Variants in CNTN2 observed in about 807,000 individuals in gnomAD.
CNTN2 encodes contactin 2.
In CNTN2, 53 loss-of-function variants were observed where a neutral mutation model predicts 117.5. The observed-to-expected ratio is 0.45, with a 90% confidence interval of 0.36 to 0.57. The LOEUF (loss-of-function observed/expected upper bound fraction) is 0.57, where lower values mean the gene tolerates loss of function less well. CNTN2 is among the 20% of genes least tolerant of loss of function. CNTN2 has a pLI of 0.00. For synonymous variants in CNTN2, 530 were observed against 561.7 expected (o/e 0.94, Z 0.80); for missense variants, 1,106 against 1,404.3 (o/e 0.79, Z 3.39).
At chr1:205,055,013 G>A (rs1031304371) in intron 2 of CNTN2, among the ~76,000 whole-genome samples, 9 of 151,792 alleles carry the variant, frequency 5.9e-5, no homozygotes, top group South Asian at 2.1e-4. Context: ...TGTTGTTTGC[G>A]GGTTTTGTTT....
Position 205,073,023 on chromosome 1 carries a change from A to G in CNTN2, c.2845-45A>G. On this transcript the variant is annotated intron_variant, in intron 21 of 22. Transcript: ENST00000331830. This position sits in a 1 kb window ranked among gnomAD's most constrained non-coding sequence, Gnocchi z 6.3. ...TAAAGCTGGGGATGACTCAACGATC[A>G]GCCCTGGTGTCAGGAAACTCCACCT... is the stretch of plus-strand genomic sequence containing the variant. The G allele has an allele frequency of 6.2e-7, 1 of 1,604,992 alleles. No individual in the cohort carries two copies. The highest frequency in any genetic ancestry group is 8.5e-7 in the Non-Finnish European group (1 of 1,174,184).
rs1001231082 is a variant in CNTN2 at position 205,074,601 on chromosome 1, G to T, written c.*836G>T. 1 of 398,844 alleles carries T rather than the reference G, an allele frequency of 2.5e-6. No homozygotes were observed. The allele number at this position is 398,844 out of a possible 1,614,324, so 24.7% of individuals were successfully genotyped here. A position where few individuals can be genotyped will look rare whatever the true frequency, so the allele number is the denominator to read the frequency against. On this transcript the variant is annotated 3_prime_UTR_variant, in exon 23 of 23. Coordinates refer to ENST00000331830, the MANE Select transcript of CNTN2 (RefSeq NM_005076.5). Reference sequence around the variant, plus strand: ...GGGTGACTAAAGGGCTTGTCTTGGTGGGGTCTCCCACCCCTCCAAGACCCA... The same window carrying T: ...GGGTGACTAAAGGGCTTGTCTTGGTTGGGTCTCCCACCCCTCCAAGACCCA...
Position 205,058,137 on chromosome 1 carries a change from C to A in CNTN2, c.216-44C>A. 6.3e-7 allele frequency: 1 copy of A among 1,596,430 alleles called. No homozygotes were observed. Reference sequence around the variant, plus strand: ...ACTTTCCCTCTCATCAGCCCTGCCACCAGGCAGGACTCAGAGGTCCCCTTC... The same window carrying A: ...ACTTTCCCTCTCATCAGCCCTGCCAACAGGCAGGACTCAGAGGTCCCCTTC... On this transcript the variant is annotated intron_variant, in intron 3 of 22. Transcript: ENST00000331830. This position sits in a 1 kb window ranked among gnomAD's most constrained non-coding sequence, Gnocchi z 4.3.
intron 1 of CNTN2, among the ~76,000 whole-genome samples, chr1:205,045,688 G>A (rs539592894): frequency 2.0e-5 from 3 of 152,336 alleles, no homozygotes; most frequent in South Asian, 4.1e-4. Flanking sequence ...GGGGGTTGGA[G>A]AAGAGGTGAT....
chr1:205,069,407 G>A (rs955151869), intron 16 of CNTN2, 84 bp from the exon 17 acceptor site: 21 of 1,370,632 alleles, frequency 1.5e-5, no homozygotes, highest in Admixed American at 6.0e-5. Context: ...CCCATCTTAC[G>A]GTGCTCTACA....
chr1:205,053,507 C>T (rs1419274220), intron 2 of CNTN2, among the ~76,000 whole-genome samples: 1 of 152,106 alleles, frequency 6.6e-6, no homozygotes, highest in Non-Finnish European at 1.5e-5. Flanking sequence ...GAGTGGCTTA[C>T]CCTAGGTCAC....
chr1:205,047,371 G>C (rs1291524752), intron 1 of CNTN2, among the ~76,000 whole-genome samples: 1 of 152,140 alleles, frequency 6.6e-6, no homozygotes, highest in African/African-American at 2.4e-5. Context: ...GACCAGAGGG[G>C]CATGGGGATG....
intron 1 of CNTN2, among the ~76,000 whole-genome samples, chr1:205,049,100 C>T (rs1307612962): frequency 6.6e-6 from 1 of 152,006 alleles, no homozygotes; most frequent in Non-Finnish European, 1.5e-5. Context: ...CTGTATGTCT[C>T]GATCCCTGGA....
rs766886007 is a variant in CNTN2 at position 205,073,787 on chromosome 1, G to A, written c.*22G>A. 2.3e-5 allele frequency: 36 copies of A among 1,597,708 alleles called. No homozygotes were observed. In the Admixed American group the frequency reaches 3.3e-4, roughly 15 times the overall value. ...CTGATCCTGGAACCCCTCCCTCTGC[G>A]CCGCAGCTGGACGCCACCTCCGACG... On this transcript the variant is annotated 3_prime_UTR_variant, in exon 23 of 23. Transcript: ENST00000331830. The surrounding 1 kb of genome is among the most constrained non-coding windows in gnomAD (Gnocchi z 6.3).
At chr1:205,052,350 G>A (rs867991943) in intron 1 of CNTN2, among the ~76,000 whole-genome samples, 48 of 152,368 alleles carry the variant, frequency 3.2e-4, no homozygotes, top group Middle Eastern at 6.8e-3. Context: ...TGATGGGACA[G>A]GCATCTGACT....
intron 1 of CNTN2, among the ~76,000 whole-genome samples, chr1:205,049,965 C>T (rs2096449488): frequency 6.6e-6 from 1 of 152,158 alleles, no homozygotes; most frequent in Non-Finnish European, 1.5e-5. Context: ...CAAGACTTCA[C>T]AGCAGCTTGA....
intron 12 of CNTN2, 138 bp downstream of exon 12, chr1:205,064,888 C>A (rs1654195595): frequency 1.5e-6 from 2 of 1,339,916 alleles, no homozygotes; most frequent in Non-Finnish European, 1.0e-6. Context: ...TTGGGACCAC[C>A]CCCTGGCCAC....
chr1:205,054,780 G>A (rs1434966512), intron 2 of CNTN2, among the ~76,000 whole-genome samples: 2 of 152,086 alleles, frequency 1.3e-5, no homozygotes, highest in Non-Finnish European at 2.9e-5. Flanking sequence ...CCCTGTCCTC[G>A]GGATATAGCT....
rs963788514 is a variant in CNTN2, at chr1:205,069,238, G to C, written c.2126-253G>C. 13 of 488,382 alleles carry C rather than the reference G, an allele frequency of 2.7e-5. 1 individual carries two copies. Among genetic ancestry groups the C allele is most frequent in the Non-Finnish European group, 4.7e-5 (13 of 273,766 alleles). 30.3% of individuals were successfully genotyped at this position (488,382 alleles called of 1,614,324 possible). On this transcript the variant is annotated intron_variant, in intron 16 of 22. Transcript: ENST00000331830. ...TGAGAGAAACATGATTATCTTCATG[G>C]AGAAGAGAATCAGAGGCTCAGAAAG...
Position 205,074,376 on chromosome 1 carries a change from G to A in CNTN2, c.*611G>A, listed in dbSNP as rs1191972854. The A allele has an allele frequency of 1.0e-5, 4 of 400,182 alleles. No individual in the cohort carries two copies. The allele number at this position is 400,182 out of a possible 1,614,324, so 24.8% of individuals were successfully genotyped here. ...CCCCGATGCCTGAGGCTGGGAGCCTGAGCCCCTTCAGCTTTGAGGGGGGTG... is the reference window on the plus strand; with the variant it reads ...CCCCGATGCCTGAGGCTGGGAGCCTAAGCCCCTTCAGCTTTGAGGGGGGTG... On this transcript the variant is annotated 3_prime_UTR_variant, in exon 23 of 23. Transcript: ENST00000331830.
chr1:205,064,976 C>T, intron 12 of CNTN2, 111 bp from the exon 13 acceptor site: 1 of 1,313,810 alleles, frequency 7.6e-7, no homozygotes, highest in Non-Finnish European at 1.1e-6. Context: ...TGGGTCACAC[C>T]ACCTCTTCTC....
At chr1:205,063,085 C>T (rs534941784) in intron 10 of CNTN2, 2 of 152,376 alleles carry the variant, frequency 1.3e-5, no homozygotes, top group African/African-American at 4.8e-5. Flanking sequence ...CTCACTGAGC[C>T]TCAGTTTCCT....
Position 205,073,380 on chromosome 1 carries a change from C to T in CNTN2, c.3013+144C>T. Reference sequence around the variant, plus strand: ...AGGCAGGAACCAAGTGCAAAGTAGTCTTAGAACTGCCTCGCCGCCACCTTT... The same window carrying T: ...AGGCAGGAACCAAGTGCAAAGTAGTTTTAGAACTGCCTCGCCGCCACCTTT... On this transcript the variant is annotated intron_variant, in intron 22 of 22. Coordinates refer to ENST00000331830, the MANE Select transcript of CNTN2 (RefSeq NM_005076.5). The surrounding 1 kb of genome is among the most constrained non-coding windows in gnomAD (Gnocchi z 6.3). The T allele has an allele frequency of 9.7e-7, 1 of 1,027,812 alleles. No homozygotes were observed. The highest frequency in any genetic ancestry group is 1.4e-6 in the Non-Finnish European group (1 of 713,684). The allele number at this position is 1,027,812 out of a possible 1,614,324, so 63.7% of individuals were successfully genotyped here.
chr1:205,051,965 C>T (rs1267503781), intron 1 of CNTN2, among the ~76,000 whole-genome samples: 1 of 152,232 alleles, frequency 6.6e-6, no homozygotes, highest in African/African-American at 2.4e-5. Flanking sequence ...CCCTTGGCCA[C>T]TCTGCATTCT....
Sources: allele counts gnomAD v4.1 joint callset (sites outside exome capture counted in the v4.1 genomes callset), GRCh38; gene constraint gnomAD v4.1.1; non-coding constraint Gnocchi (gnomAD v3.1); transcripts MANE v1.5; gene names NCBI Gene and HGNC (gene_info 2026-07-23, HGNC 2026-07-21).